Variants in EBF2 observed in about 807,000 individuals in gnomAD.
The protein encoded by EBF2 is EBF transcription factor 2, also known as transcription factor COE2.
In EBF2, 21 loss-of-function variants were observed where a neutral mutation model predicts 72.8. That is an observed-to-expected ratio of 0.29 (90% CI 0.20 to 0.42). EBF2 has a LOEUF of 0.42. Ranked by LOEUF, EBF2 falls within the 10% of genes least tolerant of loss-of-function variation. EBF2 has a pLI of 1.00. For synonymous variants in EBF2, 299 were observed against 274.2 expected (o/e 1.09, Z -0.89); for missense variants, 637 against 731.2 (o/e 0.87, Z 1.49).
intron 6 of EBF2, among the ~76,000 whole-genome samples, chr8:25,913,892 A>C (rs1348132683): frequency 6.6e-6 from 1 of 152,222 alleles, no homozygotes; most frequent in East Asian, 1.9e-4. Context: ...AATAAATTAA[A>C]ATACAATTGA....
At chr8:25,984,543 C>G (rs1164047112) in intron 6 of EBF2, among the ~76,000 whole-genome samples, 1 of 152,066 alleles carries the variant, frequency 6.6e-6, no homozygotes, top group Non-Finnish European at 1.5e-5. Context: ...TTAGCCAGGC[C>G]TGGTGGCGCA....
intron 6 of EBF2, among the ~76,000 whole-genome samples, chr8:25,959,390 A>T (rs577401968): frequency 6.6e-6 from 1 of 152,098 alleles, no homozygotes; most frequent in Non-Finnish European, 1.5e-5. Flanking sequence ...TTTTTTGTAG[A>T]GATAGGATTT....
At chr8:25,981,610 A>G (rs1804362374) in intron 6 of EBF2, among the ~76,000 whole-genome samples, 2 of 152,118 alleles carry the variant, frequency 1.3e-5, no homozygotes, top group South Asian at 4.1e-4. Context: ...AGCCTGGCCA[A>G]CGTGGCAAAA....
Position 25,887,853 on chromosome 8 carries a change from C to T in EBF2, c.871G>A (p.Val291Ile). The change falls in exon 9 of 16, where the codon GTA (valine) becomes ATA (isoleucine). Residue 291 changes from valine to isoleucine, a missense_variant. Physicochemically the swap from Val to Ile is conservative, Grantham distance 29. Transcript: ENST00000520164. ...TTGCCTCTGCTTACCTCGCTCCATA[C>T]AAGCATAGTCCCAAACACCACTTGG... is the stretch of plus-strand genomic sequence containing the variant. ...GLQVVFGTML[V>I]WSELITPHAI... 1 of 1,609,010 alleles carries T rather than the reference C, an allele frequency of 6.2e-7. No homozygotes were observed. Among genetic ancestry groups the T allele is most frequent in the Non-Finnish European group, 8.5e-7 (1 of 1,177,948 alleles).
chr8:25,955,943 C>A lies in EBF2; in HGVS notation c.552-47388G>T, dbSNP rs75054973. 4.0e-3 allele frequency among the ~76,000 whole-genome samples: 615 copies of A among 152,220 alleles called. 4 individuals carry two copies. The highest frequency in any genetic ancestry group is 0.014 in the African/African-American group (596 of 41,520). ...AGGTACAGGGGCTCACACCTGTAAG[C>A]CCAGCTTAAGGATAAGAGTTCAAAA... On this transcript the variant is annotated intron_variant, in intron 6 of 15. Transcript: ENST00000520164.
At chr8:26,037,079 A>G (rs1256204427) in intron 5 of EBF2, among the ~76,000 whole-genome samples, 2 of 152,052 alleles carry the variant, frequency 1.3e-5, no homozygotes. Flanking sequence ...TTATTCTAGT[A>G]CTTATTTGGA....
At chr8:25,971,367 C>G (rs927030300) in intron 6 of EBF2, among the ~76,000 whole-genome samples, 1 of 152,176 alleles carries the variant, frequency 6.6e-6, no homozygotes, top group Admixed American at 6.5e-5. Flanking sequence ...TTTTGCAGAT[C>G]CGTGTTCTCT....
At chr8:25,943,157 C>T (rs975199487) in intron 6 of EBF2, among the ~76,000 whole-genome samples, 1 of 151,890 alleles carries the variant, frequency 6.6e-6, no homozygotes, top group Non-Finnish European at 1.5e-5. Flanking sequence ...TCAGAGGCCA[C>T]CTAGTTGAAA....
intron 6 of EBF2, among the ~76,000 whole-genome samples, chr8:25,966,811 TGAG>T (rs1268865381): frequency 6.6e-6 from 1 of 152,166 alleles, no homozygotes; most frequent in Non-Finnish European, 1.5e-5. Context: ...CTGGGGTGTA[TGAG>T]AAGGCAAGGA....
chr8:25,868,440 A>C (rs551306691), intron 10 of EBF2, among the ~76,000 whole-genome samples: 1 of 151,990 alleles, frequency 6.6e-6, no homozygotes, highest in African/African-American at 2.4e-5. Context: ...TTTTAAATAT[A>C]TATACTTTTC....
At chr8:26,037,186 G>A (rs890087855) in intron 5 of EBF2, among the ~76,000 whole-genome samples, 1 of 152,162 alleles carries the variant, frequency 6.6e-6, no homozygotes, top group African/African-American at 2.4e-5. Context: ...GAAGTGGGAG[G>A]TGGGGAAATA....
chr8:25,999,831 T>C (rs976640188), intron 6 of EBF2, among the ~76,000 whole-genome samples: 5 of 152,152 alleles, frequency 3.3e-5, no homozygotes, highest in Non-Finnish European at 7.3e-5. Context: ...TCGTTTTCTT[T>C]GCTGCCTGCC....
chr8:25,930,875 T>C (rs141714163), intron 6 of EBF2, among the ~76,000 whole-genome samples: 2 of 152,138 alleles, frequency 1.3e-5, no homozygotes, highest in East Asian at 3.9e-4. Context: ...ACACTGAGGA[T>C]TGGATTGAGT....
chr8:25,854,238 C>CAAAA (rs372818134), intron 14 of EBF2, among the ~76,000 whole-genome samples: 1 of 137,444 alleles, frequency 7.3e-6, no homozygotes, highest in Non-Finnish European at 1.6e-5. Context: ...CCCCCACCTC[C>CAAAA]AAAAAAAAAA....
chr8:25,853,708 T>C (rs1251697177), intron 14 of EBF2, among the ~76,000 whole-genome samples: 1 of 151,734 alleles, frequency 6.6e-6, no homozygotes, highest in African/African-American at 2.4e-5. Flanking sequence ...TTTATAATAA[T>C]GAAAAATTGG....
chr8:25,851,581 TAAG>T lies in EBF2; in HGVS notation c.1529-823_1529-821del, dbSNP rs375807065. Among the ~76,000 whole-genome samples the T allele has an allele frequency of 6.6e-3, 1,011 of 152,278 alleles. 7 individuals carry two copies. The highest frequency in any genetic ancestry group is 0.023 in the African/African-American group (956 of 41,542). ...ATAATTTTATCTTCTATGTTCAACT[TAAG>T]AAAGGAGTAAACTAGAGTACACAAG... On this transcript the variant is annotated intron_variant, in intron 14 of 15. Transcript: ENST00000520164.
rs759923961 is a variant in EBF2, at chr8:25,861,234, A to T, written c.1165-8T>A. 12 of 1,613,086 alleles carry T rather than the reference A, an allele frequency of 7.4e-6. No homozygotes were observed. Among genetic ancestry groups the T allele is most frequent in the Non-Finnish European group, 8.5e-6 (10 of 1,179,306 alleles). ...TCGCTTCAAAATGATGTCCTACAAA[A>T]CAACAGGTTAATGTGAGCATTCTAT... On this transcript the variant is annotated splice_polypyrimidine_tract_variant and splice_region_variant and intron_variant, in intron 12 of 15. Coordinates refer to ENST00000520164, the MANE Select transcript of EBF2 (RefSeq NM_022659.4).
At chr8:26,007,082 C>G (rs1488002030) in intron 6 of EBF2, among the ~76,000 whole-genome samples, 1 of 152,222 alleles carries the variant, frequency 6.6e-6, no homozygotes, top group Non-Finnish European at 1.5e-5. Context: ...AAGAAATATT[C>G]TCACTGAGAG....
intron 6 of EBF2, among the ~76,000 whole-genome samples, chr8:25,970,548 A>C (rs978636204): frequency 1.3e-5 from 2 of 151,968 alleles, no homozygotes; most frequent in African/African-American, 4.8e-5. Flanking sequence ...TCCCCTAATA[A>C]ATCTCTTAAC....
Sources: allele counts gnomAD v4.1 joint callset (sites outside exome capture counted in the v4.1 genomes callset), GRCh38; gene constraint gnomAD v4.1.1; transcripts MANE v1.5; gene names NCBI Gene and HGNC (gene_info 2026-07-23, HGNC 2026-07-21).